The following SPIB variants were observed in gnomAD, a reference collection of about 807,000 sequenced individuals.
The protein encoded by SPIB is transcription factor Spi-B.
SPIB carries 7 observed loss-of-function variants against 31.9 expected under a neutral mutation model. That is an observed-to-expected ratio of 0.22 (90% confidence interval 0.12 to 0.41). The LOEUF is 0.41. Among genes scored for constraint, SPIB ranks in the 10% least tolerant of loss-of-function variants. The pLI is 1.00. For missense variants in SPIB, 327 were observed against 360.2 expected, an observed-to-expected ratio of 0.91 and a Z score of 0.75; for synonymous variants, 176 against 158.9, an observed-to-expected ratio of 1.11 and a Z score of -0.81.
chr19:50,423,123 GT>G (rs1216704521), intron 4 of SPIB, 86 bp downstream of exon 4: 9 of 669,980 alleles, frequency 1.3e-5, no homozygotes, highest in African/African-American at 3.6e-5. Context: ...AGAGGCTGAG[GT>G]GGGAGGAGGA....
intron 5 of SPIB, among the ~76,000 whole-genome samples, chr19:50,425,009 A>T (rs920921600): frequency 4.6e-5 from 7 of 151,674 alleles, no homozygotes; most frequent in African/African-American, 7.3e-5. Flanking sequence ...TTAATTAATT[A>T]ATTAATTTAT....
chr19:50,422,558 A>C lies in SPIB; in HGVS notation c.124+13A>C, dbSNP rs537930902. The C allele has an allele frequency of 6.2e-7, 1 of 1,613,208 alleles. No homozygotes were observed. The highest frequency in any genetic ancestry group is 1.3e-5 in the African/African-American group (1 of 75,040). On this transcript the variant is annotated intron_variant, in intron 3 of 5. Transcript: ENST00000595883. ...GAGGGGGCTCCTGGTGAGTGACCCCAGCCCTGTGCCCTTCCTGCCTTGGGG... is the reference window on the plus strand; with the variant it reads ...GAGGGGGCTCCTGGTGAGTGACCCCCGCCCTGTGCCCTTCCTGCCTTGGGG...
Position 50,422,852 on chromosome 19 carries a change from C to T in SPIB, c.154C>T (p.Pro52Ser). 6.3e-7 allele frequency: 1 copy of T among 1,598,244 alleles called. No homozygotes were observed. Among genetic ancestry groups the T allele is most frequent in the East Asian group, 2.2e-5 (1 of 44,736 alleles). The change falls in exon 4 of 6, where the codon CCT (proline) becomes TCT (serine). Residue 52 changes from proline (P) to serine (S), a missense_variant. This residue lies in a region of SPIB where 238 missense variants were observed against 228.8 expected (regional missense o/e 1.04). Coordinates refer to ENST00000595883, the MANE Select transcript of SPIB (RefSeq NM_003121.5). ...DSLWDWTVAP[P>S]VPATPYEAFD... ...CCTGTGGGACTGGACTGTGGCCCCA[C>T]CTGTCCCAGCCACCCCCTATGAAGC...
chr19:50,423,809 C>T (rs2122549459), intron 5 of SPIB, 54 bp downstream of exon 5: 1 of 1,549,802 alleles, frequency 6.5e-7, no homozygotes. Context: ...GGTGGGGGGG[C>T]TGAGAGCACC....
chr19:50,422,760 G>C, intron 3 of SPIB, 63 bp from the exon 4 acceptor site: 1 of 1,190,154 alleles, frequency 8.4e-7, no homozygotes. Flanking sequence ...TGTGCTGGGG[G>C]CTTCGACTGC....
chr19:50,425,804 C>T (rs1260408214), intron 5 of SPIB, among the ~76,000 whole-genome samples: 2 of 152,214 alleles, frequency 1.3e-5, no homozygotes, highest in Admixed American at 1.3e-4. Flanking sequence ...GGAGGCCACA[C>T]ACACCAGGTC....
At chr19:50,421,432 C>T (rs193245488) in intron 2 of SPIB, among the ~76,000 whole-genome samples, 76 of 152,228 alleles carry the variant, frequency 5.0e-4, no homozygotes, top group Admixed American at 9.8e-4. Flanking sequence ...AAGCGATTCT[C>T]CTGCCTCAGC....
intron 5 of SPIB, among the ~76,000 whole-genome samples, chr19:50,424,403 T>TG (rs1262494878): frequency 1.3e-5 from 2 of 152,128 alleles, no homozygotes; most frequent in Non-Finnish European, 2.9e-5. Flanking sequence ...TCCCAGCACT[T>TG]TGGGAGGCTG....
chr19:50,423,220 A>AC, intron 4 of SPIB, 183 bp downstream of exon 4: 1 of 460,402 alleles, frequency 2.2e-6, no homozygotes, highest in East Asian at 3.3e-5. Context: ...AAAAAAAAAA[A>AC]AAGAAAAAGA....
At chr19:50,419,086 G>A in intron 1 of SPIB, 101 bp downstream of exon 1, 3 of 1,411,692 alleles carry the variant, frequency 2.1e-6, no homozygotes, top group African/African-American at 2.8e-5. Flanking sequence ...CTCACGGCCG[G>A]TGGGTGGGAG....
chr19:50,419,634 A>G lies in SPIB; in HGVS notation c.24-312A>G, dbSNP rs553206848. On this transcript the variant is annotated intron_variant, in intron 1 of 5. Transcript: ENST00000595883. The stretch of plus-strand genomic sequence containing the variant: ...TCAACTGACTCGCCACCAAGGCCGC[A>G]CTTGACCCAGGCCCCCTCTCCATCC... Among the ~76,000 whole-genome samples, 43 of 151,886 alleles carry G rather than the reference A, an allele frequency of 2.8e-4. No homozygotes were observed. The South Asian group carries it at 5.2e-3, about 18-fold the overall frequency.
In SPIB at chr19:50,423,661, A is replaced by G; in HGVS notation, c.396A>G (p.Glu132=). Residue 132 remains glutamate, a synonymous_variant, in exon 5 of 6, where the codon GAA becomes GAG. Coordinates refer to ENST00000595883, the MANE Select transcript of SPIB (RefSeq NM_003121.5). The part of the protein sequence containing the change: ...PYPSPVLSEE[E]DLPLDSPALE... Reference sequence around the variant, plus strand: ...CCAGCCCTGTGCTATCAGAGGAGGAAGACTTACCGTTGGACAGCCCTGCCC... The same window carrying G: ...CCAGCCCTGTGCTATCAGAGGAGGAGGACTTACCGTTGGACAGCCCTGCCC... 6.2e-7 allele frequency: 1 copy of G among 1,614,068 alleles called. No homozygotes were observed. The highest frequency in any genetic ancestry group is 8.5e-7 in the Non-Finnish European group (1 of 1,179,998).
intron 5 of SPIB, 96 bp downstream of exon 5, chr19:50,423,851 C>T: frequency 2.9e-6 from 4 of 1,393,668 alleles, no homozygotes; most frequent in Non-Finnish European, 3.9e-6. Context: ...TATACTCCAG[C>T]ACTCTGGGCA....
At chr19:50,423,239 C>T (rs2039522831) in intron 4 of SPIB, 2 of 444,788 alleles carry the variant, frequency 4.5e-6, no homozygotes, top group Non-Finnish European at 7.9e-6. Context: ...GAAAAGAAAA[C>T]TCAAGCTCAG....
intron 5 of SPIB, among the ~76,000 whole-genome samples, chr19:50,425,658 C>A (rs539203325): frequency 6.6e-6 from 1 of 152,116 alleles, no homozygotes; most frequent in Non-Finnish European, 1.5e-5. Context: ...CCAGGCTGAA[C>A]TCCCAACTCC....
In SPIB at chr19:50,428,461, G is replaced by A; in HGVS notation, c.*125G>A. The A allele has an allele frequency of 8.9e-7, 1 of 1,121,564 alleles. No homozygotes were observed. Among genetic ancestry groups the A allele is most frequent in the Non-Finnish European group, 1.2e-6 (1 of 815,558 alleles). The allele number at this position is 1,121,564 out of a possible 1,614,324, so 69.5% of individuals were successfully genotyped here. A position where few individuals can be genotyped will look rare whatever the true frequency, so the allele number is the denominator to read the frequency against. On this transcript the variant is annotated 3_prime_UTR_variant, in exon 6 of 6. Coordinates refer to ENST00000595883, the MANE Select transcript of SPIB (RefSeq NM_003121.5). This position sits in a 1 kb window ranked among gnomAD's most constrained non-coding sequence, Gnocchi z 6.5. Reference sequence around the variant, plus strand: ...GGACTTACGCATCCCCACCTTTTGGGGTAAGGGGAGTGCTGCCCTGCCATA... The same window carrying A: ...GGACTTACGCATCCCCACCTTTTGGAGTAAGGGGAGTGCTGCCCTGCCATA...
At chr19:50,422,328 T>A in intron 2 of SPIB, 145 bp from the exon 3 acceptor site, 1 of 626,048 alleles carries the variant, frequency 1.6e-6, no homozygotes, top group Admixed American at 2.8e-5. Flanking sequence ...ATGCCTAGTC[T>A]CTGTGTTTCT....
chr19:50,420,664 G>A (rs1212705625), intron 2 of SPIB, among the ~76,000 whole-genome samples: 2 of 152,166 alleles, frequency 1.3e-5, no homozygotes, highest in Non-Finnish European at 2.9e-5. Flanking sequence ...GTCTCGCTCT[G>A]TCACCCAGGC....
rs1469977301 is a variant in SPIB at position 50,430,507 on chromosome 19, GC to G, written c.*2173del. The G allele has an allele frequency of 6.6e-6, 1 of 152,316 alleles. No individual in the cohort carries two copies. Among genetic ancestry groups the G allele is most frequent in the African/African-American group, 2.4e-5 (1 of 41,436 alleles). 9.4% of individuals were successfully genotyped at this position (152,316 alleles called of 1,614,324 possible). ...GCCTGTAATCCCAGCACTTTGGGAGGCCGATGCAGGTGGATCACCTGAGGTA... is the reference window on the plus strand; with the variant it reads ...GCCTGTAATCCCAGCACTTTGGGAGGCGATGCAGGTGGATCACCTGAGGTA... On this transcript the variant is annotated 3_prime_UTR_variant, in exon 6 of 6. Coordinates refer to ENST00000595883, the MANE Select transcript of SPIB (RefSeq NM_003121.5).
Sources: gnomAD v4.1 joint callset for allele counts (sites outside exome capture counted in the v4.1 genomes callset) on GRCh38, gnomAD v4.1.1 for gene constraint, gnomAD v4.1.1 regional missense constraint, Gnocchi (gnomAD v3.1) non-coding constraint, MANE v1.5 for transcripts, NCBI Gene and HGNC (gene_info 2026-07-23, HGNC 2026-07-21) for gene names.